LMBRD2: variants seen among roughly 807,000 people sequenced by gnomAD.
LMBRD2 encodes the protein LMBR1 domain containing 2.
LMBRD2 carries 55 observed loss-of-function variants against 94.4 expected under a neutral mutation model. The observed-to-expected ratio is 0.58, with a 90% CI of 0.47 to 0.73. The LOEUF (loss-of-function observed/expected upper bound fraction) is 0.73, where lower values mean the gene tolerates loss of function less well. Ranked by LOEUF, LMBRD2 falls within the 30% of genes least tolerant of loss-of-function variation. The probability of loss-of-function intolerance (pLI) is 0.00; values close to 1 mark genes in which losing one functional copy is unlikely to be tolerated. For missense variants in LMBRD2, 640 were observed against 831.9 expected (o/e 0.77, Z 2.84); for synonymous variants, 246 against 272.4 (o/e 0.90, Z 0.95).
intron 1 of LMBRD2, among the ~76,000 whole-genome samples, chr5:36,143,949 TAAC>T (rs912768242): frequency 6.6e-5 from 10 of 151,930 alleles, no homozygotes; most frequent in Non-Finnish European, 8.8e-5. Flanking sequence ...TAATTTCACC[TAAC>T]AACTCAACTT....
chr5:36,098,642 T>A lies in LMBRD2; in HGVS notation c.*5404A>T, dbSNP rs542622750. 2 of 152,174 alleles carry A rather than the reference T, an allele frequency of 1.3e-5. No individual in the cohort carries two copies. The highest frequency in any genetic ancestry group is 3.9e-4 in the East Asian group (2 of 5,182). 9.4% of individuals were successfully genotyped at this position (152,174 alleles called of 1,614,324 possible). A position where few individuals can be genotyped will look rare whatever the true frequency, so the allele number is the denominator to read the frequency against. ...CTAATCAAATAAACATTTCAAAAAA[T>A]TCATTACATCACAATAAGTTAAAAT... On this transcript the variant is annotated 3_prime_UTR_variant, in exon 18 of 18. Transcript: ENST00000296603.
At position 36,103,794 on chromosome 5, in the gene LMBRD2, C is replaced by A. The variant is rs1743400080; in HGVS notation, c.*252G>T. 1 of 269,378 alleles carries A rather than the reference C, an allele frequency of 3.7e-6. No homozygotes were observed. The highest frequency in any genetic ancestry group is 7.1e-6 in the Non-Finnish European group (1 of 140,582). The allele number at this position is 269,378 out of a possible 1,614,324, so 16.7% of individuals were successfully genotyped here. On this transcript the variant is annotated 3_prime_UTR_variant, in exon 18 of 18. Transcript: ENST00000296603. Reference sequence around the variant, plus strand: ...AACATATGTTGATCTTTCTTAAAGTCCTTCCACTGTAACTGTATTTCTAAG... The same window carrying A: ...AACATATGTTGATCTTTCTTAAAGTACTTCCACTGTAACTGTATTTCTAAG...
In LMBRD2 at chr5:36,132,107, A is replaced by T. The variant is rs577507432; in HGVS notation, c.747+4202T>A. ...AACAAAACAGCATGGTGTTAGGATA[A>T]AAACAGACCAATGGTACAGAATAGA... On this transcript the variant is annotated intron_variant, in intron 6 of 17. Transcript: ENST00000296603. Among the ~76,000 whole-genome samples, 93 of 152,150 alleles carry T rather than the reference A, an allele frequency of 6.1e-4. 2 individuals carry two copies. The highest frequency in any genetic ancestry group is 5.6e-3 in the Admixed American group (86 of 15,284).
At chr5:36,120,417 C>T (rs1220019896) in intron 9 of LMBRD2, among the ~76,000 whole-genome samples, 23 of 152,112 alleles carry the variant, frequency 1.5e-4, no homozygotes, top group African/African-American at 4.8e-4. Context: ...CGCACCACCA[C>T]GCCCAGCTAA....
chr5:36,118,017 G>A, intron 9 of LMBRD2, 101 bp from the exon 10 acceptor site: 3 of 903,670 alleles, frequency 3.3e-6, no homozygotes, highest in Admixed American at 3.0e-5. Flanking sequence ...TAATTACAAA[G>A]AGAAAAACAG....
chr5:36,132,632 A>T (rs466057), intron 6 of LMBRD2, among the ~76,000 whole-genome samples: 2 of 148,664 alleles, frequency 1.3e-5, no homozygotes, highest in African/African-American at 2.5e-5. Context: ...TTTAATAATA[A>T]GATTAAAAAT....
intron 15 of LMBRD2, 92 bp downstream of exon 15, chr5:36,109,853 T>C: frequency 1.1e-6 from 1 of 914,614 alleles, no homozygotes; most frequent in Non-Finnish European, 1.7e-6. Flanking sequence ...TGTTTTTTTC[T>C]GTCTTTAGCT....
intron 3 of LMBRD2, among the ~76,000 whole-genome samples, 155 bp downstream of exon 3, chr5:36,142,347 A>G (rs555572542): frequency 7.9e-5 from 12 of 152,312 alleles, no homozygotes; most frequent in Non-Finnish European, 1.8e-4. Flanking sequence ...AATATGATGT[A>G]ATGAAAAGTC....
chr5:36,133,429 T>C (rs1415939957), intron 6 of LMBRD2, among the ~76,000 whole-genome samples: 1 of 152,096 alleles, frequency 6.6e-6, no homozygotes, highest in Non-Finnish European at 1.5e-5. Context: ...TATCCAGTAT[T>C]TGATAGAACA....
At chr5:36,133,499 G>T (rs556646274) in intron 6 of LMBRD2, among the ~76,000 whole-genome samples, 6 of 152,150 alleles carry the variant, frequency 3.9e-5, no homozygotes, top group African/African-American at 1.4e-4. Flanking sequence ...AATATAATTG[G>T]ATTGTTTGTA....
chr5:36,118,354 T>C (rs936023484), intron 9 of LMBRD2, among the ~76,000 whole-genome samples: 1 of 152,202 alleles, frequency 6.6e-6, no homozygotes, highest in Non-Finnish European at 1.5e-5. Flanking sequence ...TGGGATTTTT[T>C]ACAAAAAATA....
At chr5:36,113,212 T>C (rs1342042007) in intron 13 of LMBRD2, among the ~76,000 whole-genome samples, 1 of 152,158 alleles carries the variant, frequency 6.6e-6, no homozygotes, top group Non-Finnish European at 1.5e-5. Context: ...AGACATTGTA[T>C]GGAAAAGCAT....
chr5:36,124,195 T>A lies in LMBRD2; in HGVS notation c.818A>T (p.Lys273Ile). The part of the protein sequence containing the change: ...PLRKCVDTIL[K>I]KCPTEYQEKM... Reference sequence around the variant, plus strand: ...CAGACAAGATGATTTCATTACCTTTTTAAGTATTGTATCAACACATTTTCT... The same window carrying A: ...CAGACAAGATGATTTCATTACCTTTATAAGTATTGTATCAACACATTTTCT... Residue 273 changes from lysine (K) to isoleucine (I), a missense_variant, in exon 7 of 18, where the codon AAA becomes ATA. Lys to Ile is a moderately radical substitution (Grantham distance 102). Coordinates refer to ENST00000296603, the MANE Select transcript of LMBRD2 (RefSeq NM_001007527.2). 1 of 1,539,274 alleles carries A rather than the reference T, an allele frequency of 6.5e-7. No individual in the cohort carries two copies. The highest frequency in any genetic ancestry group is 9.0e-7 in the Non-Finnish European group (1 of 1,115,454).
chr5:36,133,826 TAAC>T (rs935113604), intron 6 of LMBRD2, among the ~76,000 whole-genome samples: 1 of 152,122 alleles, frequency 6.6e-6, no homozygotes, highest in Non-Finnish European at 1.5e-5. Context: ...TATTTTAAAA[TAAC>T]AACAACAAAA....
At chr5:36,149,793 C>G (rs1259009219) in intron 1 of LMBRD2, among the ~76,000 whole-genome samples, 1 of 152,190 alleles carries the variant, frequency 6.6e-6, no homozygotes, top group African/African-American at 2.4e-5. Flanking sequence ...GTAATCCCAG[C>G]TACTCAGGAA....
chr5:36,119,614 C>T (rs1743838804), intron 9 of LMBRD2, among the ~76,000 whole-genome samples: 1 of 152,194 alleles, frequency 6.6e-6, no homozygotes, highest in Admixed American at 6.5e-5. Flanking sequence ...AGACACCCCA[C>T]CTTGTTGACT....
Position 36,115,095 on chromosome 5 carries a change from A to C in LMBRD2, c.1462T>G (p.Leu488Val). 2 of 1,610,790 alleles carry C rather than the reference A, an allele frequency of 1.2e-6. No homozygotes were observed. The highest frequency in any genetic ancestry group is 1.7e-6 in the Non-Finnish European group (2 of 1,178,590). The change falls in exon 12 of 18, where the codon TTA becomes GTA. Residue 488 changes from leucine (L) to valine (V), a missense_variant. Transcript: ENST00000296603. ...GMLFCRLTPP[L>V]CLNFLGLTHM... ...GTCAAACCCAAGAAATTAAGACATA[A>C]AGGAGGTGTCAAACGGCAAAATAGC...
At chr5:36,133,973 T>C (rs1449691963) in intron 6 of LMBRD2, among the ~76,000 whole-genome samples, 2 of 152,116 alleles carry the variant, frequency 1.3e-5, no homozygotes, top group Non-Finnish European at 2.9e-5. Flanking sequence ...ACAACTGAAT[T>C]TAATACCAAC....
intron 10 of LMBRD2, among the ~76,000 whole-genome samples, chr5:36,117,349 A>AT (rs1743781547): frequency 6.6e-6 from 1 of 152,078 alleles, no homozygotes; most frequent in South Asian, 2.1e-4. Flanking sequence ...ATGGTGGTGC[A>AT]TGGCTGTAGG....
Sources: allele counts gnomAD v4.1 joint callset (sites outside exome capture counted in the v4.1 genomes callset), GRCh38; gene constraint gnomAD v4.1.1; transcripts MANE v1.5; gene names NCBI Gene and HGNC (gene_info 2026-07-23, HGNC 2026-07-21).